BBX: variants seen among roughly 807,000 people sequenced by gnomAD.
BBX encodes BBX high mobility group box domain containing.
A neutral mutation model predicts 100.2 loss-of-function variants in BBX; 30 were observed. The observed-to-expected ratio is 0.30, with a 90% CI of 0.22 to 0.41. The LOEUF is 0.41. Among genes scored for constraint, BBX ranks in the 10% least tolerant of loss-of-function variants. The pLI, the probability that BBX is intolerant of heterozygous loss-of-function variation, is 1.00. For synonymous variants in BBX, 376 were observed against 388.1 expected (o/e 0.97, Z 0.37); for missense variants, 1,023 against 1,129.8 (o/e 0.91, Z 1.35).
At chr3:107,589,783 T>C (rs531404984) in intron 2 of BBX, among the ~76,000 whole-genome samples, 1 of 152,312 alleles carries the variant, frequency 6.6e-6, no homozygotes, top group African/African-American at 2.4e-5. Flanking sequence ...TTTGAGTATT[T>C]TGGCCTTCTT....
At chr3:107,798,352 T>G (rs1423038645) in intron 15 of BBX, among the ~76,000 whole-genome samples, 171 bp from the exon 16 acceptor site, 1 of 152,224 alleles carries the variant, frequency 6.6e-6, no homozygotes, top group Non-Finnish European at 1.5e-5. Flanking sequence ...CAATTGGTAG[T>G]AAACAAGTTA....
chr3:107,801,010 A>G, intron 16 of BBX, 85 bp from the exon 17 acceptor site: 2 of 1,313,046 alleles, frequency 1.5e-6, no homozygotes, highest in Non-Finnish European at 2.1e-6. Flanking sequence ...AGCTCTTTTC[A>G]TGTTGACTGG....
intron 15 of BBX, among the ~76,000 whole-genome samples, chr3:107,795,534 T>A (rs1328845472): frequency 6.6e-6 from 1 of 151,660 alleles, no homozygotes; most frequent in Admixed American, 6.6e-5. Flanking sequence ...CATTTTGATG[T>A]AATAGTAGGT....
At chr3:107,570,678 G>A (rs554100985) in intron 2 of BBX, among the ~76,000 whole-genome samples, 5 of 152,108 alleles carry the variant, frequency 3.3e-5, no homozygotes, top group Non-Finnish European at 5.9e-5. Flanking sequence ...TATAGGGTGG[G>A]GGAGCGGAGG....
intron 2 of BBX, among the ~76,000 whole-genome samples, chr3:107,592,808 CAT>C (rs1033518305): frequency 3.3e-5 from 5 of 152,164 alleles, no homozygotes; most frequent in Non-Finnish European, 4.4e-5. Flanking sequence ...CACCTCCACA[CAT>C]GTCTTAAGGG....
At chr3:107,749,631 A>G (rs1200132945) in intron 9 of BBX, among the ~76,000 whole-genome samples, 1 of 145,332 alleles carries the variant, frequency 6.9e-6, no homozygotes, top group Non-Finnish European at 1.5e-5. Flanking sequence ...TCAGTGTATG[A>G]CCTCTTTTTT....
At chr3:107,662,666 T>G (rs2058519579) in intron 3 of BBX, 1 of 145,926 alleles carries the variant, frequency 6.9e-6, no homozygotes, top group Non-Finnish European at 1.5e-5. Flanking sequence ...TTTTTTTGCA[T>G]TAGAAATTTA....
At chr3:107,744,297 A>G (rs947076840) in intron 7 of BBX, among the ~76,000 whole-genome samples, 5 of 152,074 alleles carry the variant, frequency 3.3e-5, no homozygotes, top group Non-Finnish European at 7.4e-5. Flanking sequence ...GCATTGGGAG[A>G]GGAAGTGTCA....
At chr3:107,746,741 A>G (rs2064637542) in intron 8 of BBX, among the ~76,000 whole-genome samples, 1 of 152,160 alleles carries the variant, frequency 6.6e-6, no homozygotes, top group South Asian at 2.1e-4. Context: ...GATGTGAGCC[A>G]CACTATGCCA....
intron 2 of BBX, among the ~76,000 whole-genome samples, chr3:107,544,857 AAAG>A (rs2049110011): frequency 6.6e-6 from 1 of 151,134 alleles, no homozygotes; most frequent in African/African-American, 2.4e-5. Flanking sequence ...AAAAAAAAAA[AAAG>A]AAAAAAAGTA....
chr3:107,720,544 G>C (rs2062456736), intron 5 of BBX, among the ~76,000 whole-genome samples: 1 of 151,976 alleles, frequency 6.6e-6, no homozygotes, highest in Non-Finnish European at 1.5e-5. Context: ...ATACATAGAA[G>C]AGTAACAGAA....
intron 3 of BBX, among the ~76,000 whole-genome samples, chr3:107,692,560 G>A (rs1437616986): frequency 6.6e-6 from 1 of 152,114 alleles, no homozygotes; most frequent in Non-Finnish European, 1.5e-5. Flanking sequence ...GTATTCTATG[G>A]TGTATATGTG....
At chr3:107,554,022 A>C (rs1272908684) in intron 2 of BBX, among the ~76,000 whole-genome samples, 1 of 152,152 alleles carries the variant, frequency 6.6e-6, no homozygotes, top group African/African-American at 2.4e-5. Context: ...AGAAACTGAG[A>C]GTGGGATCCA....
intron 2 of BBX, among the ~76,000 whole-genome samples, chr3:107,577,638 A>T (rs1250691276): frequency 6.6e-6 from 1 of 152,218 alleles, no homozygotes; most frequent in Non-Finnish European, 1.5e-5. Context: ...CTTCTGTAGT[A>T]CTTGACACAT....
chr3:107,746,618 T>C (rs918725358), intron 8 of BBX, among the ~76,000 whole-genome samples: 8 of 152,018 alleles, frequency 5.3e-5, no homozygotes, highest in Non-Finnish European at 1.0e-4. Flanking sequence ...GTCTCTCTAC[T>C]AATTTTTTTT....
chr3:107,710,516 A>T lies in BBX; in HGVS notation c.56A>T (p.Lys19Ile), dbSNP rs755426100. ...TCAGCAGAAGGAGAAGGGGTTGGAAAACGACCAAAACGAAAGTGTCTTCAG... is the reference window on the plus strand; with the variant it reads ...TCAGCAGAAGGAGAAGGGGTTGGAATACGACCAAAACGAAAGTGTCTTCAG... ...DHSAEGEGVG[K>I]RPKRKCLQWH... The change falls in exon 4 of 18, where the codon AAA becomes ATA. Residue 19 changes from lysine to isoleucine, a missense_variant. This residue lies in a region of BBX where 229 missense variants were observed against 226.3 expected (regional missense o/e 1.01). Transcript: ENST00000325805. 3.7e-5 allele frequency: 60 copies of T among 1,613,812 alleles called. No individual in the cohort carries two copies.
chr3:107,713,277 T>G (rs1295848139), intron 4 of BBX, among the ~76,000 whole-genome samples: 2 of 152,212 alleles, frequency 1.3e-5, no homozygotes, highest in African/African-American at 2.4e-5. Flanking sequence ...ATCCCTTTTT[T>G]GCCTGGACAG....
intron 17 of BBX, among the ~76,000 whole-genome samples, chr3:107,803,362 C>T (rs763022726): frequency 6.6e-6 from 1 of 151,860 alleles, no homozygotes; most frequent in African/African-American, 2.4e-5. Flanking sequence ...GCAGATCTAC[C>T]CACCAGGCTT....
chr3:107,627,326 G>A (rs2056253375), intron 2 of BBX, among the ~76,000 whole-genome samples: 1 of 152,212 alleles, frequency 6.6e-6, no homozygotes, highest in Admixed American at 6.5e-5. Flanking sequence ...TTTCCCAAAT[G>A]CAGAGGCTTA....
Sources: gnomAD v4.1 joint callset for allele counts (sites outside exome capture counted in the v4.1 genomes callset) on GRCh38, gnomAD v4.1.1 for gene constraint, gnomAD v4.1.1 regional missense constraint, MANE v1.5 for transcripts, NCBI Gene and HGNC (gene_info 2026-07-23, HGNC 2026-07-21) for gene names.